ARID4B: variants seen among roughly 807,000 people sequenced by gnomAD.
ARID4B encodes the protein AT-rich interaction domain 4B.
A neutral mutation model predicts 147.5 loss-of-function variants in ARID4B; 26 were observed. That is an observed-to-expected ratio of 0.18 (90% CI 0.13 to 0.24). The LOEUF (loss-of-function observed/expected upper bound fraction) is 0.24, where lower values mean the gene tolerates loss of function less well. Ranked by LOEUF, ARID4B falls within the 10% of genes least tolerant of loss-of-function variation. The probability of loss-of-function intolerance (pLI) is 1.00; values close to 1 mark genes in which losing one functional copy is unlikely to be tolerated. For missense variants in ARID4B, 1,179 were observed against 1,511.5 expected (o/e 0.78, Z 3.65); for synonymous variants, 512 against 507.9 (o/e 1.01, Z -0.11).
At chr1:235,174,949 CA>C (rs924073147) in intron 22 of ARID4B, among the ~76,000 whole-genome samples, 14 of 151,884 alleles carry the variant, frequency 9.2e-5, no homozygotes, top group African/African-American at 3.4e-4. Flanking sequence ...ACTAAACACA[CA>C]AAAAAATTAG....
At chr1:235,267,732 G>A (rs55756931) in intron 2 of ARID4B, among the ~76,000 whole-genome samples, 2 of 151,894 alleles carry the variant, frequency 1.3e-5, no homozygotes, top group South Asian at 2.1e-4. Flanking sequence ...GTGAAACCCC[G>A]TCTCTACTAA....
At chr1:235,321,964 A>G (rs1039838206) in intron 2 of ARID4B, among the ~76,000 whole-genome samples, 1 of 151,020 alleles carries the variant, frequency 6.6e-6, no homozygotes, top group African/African-American at 2.4e-5. Context: ...GCTCACCGCA[A>G]CCTCCAGCTC....
chr1:235,291,378 A>G (rs1672324870), intron 2 of ARID4B, among the ~76,000 whole-genome samples: 1 of 152,152 alleles, frequency 6.6e-6, no homozygotes, highest in African/African-American at 2.4e-5. Flanking sequence ...ACTGCACTCC[A>G]GCCTGGGCAA....
chr1:235,297,582 G>A (rs1479062604), intron 2 of ARID4B, among the ~76,000 whole-genome samples: 1 of 152,074 alleles, frequency 6.6e-6, no homozygotes, highest in Non-Finnish European at 1.5e-5. Flanking sequence ...AAGTTGATAA[G>A]AACTTTATAA....
At chr1:235,308,671 T>G (rs866392657) in intron 2 of ARID4B, among the ~76,000 whole-genome samples, 1 of 152,198 alleles carries the variant, frequency 6.6e-6, no homozygotes, top group Non-Finnish European at 1.5e-5. Flanking sequence ...GAGACGGGGC[T>G]TCGCTGTGTT....
chr1:235,246,412 G>T lies in ARID4B; in HGVS notation c.446+8C>A, dbSNP rs775087970. On this transcript the variant is annotated splice_region_variant and intron_variant, in intron 7 of 23. Coordinates refer to ENST00000264183, the MANE Select transcript of ARID4B (RefSeq NM_016374.6). ...AGGTTCAACTAACAGTCATGAAAAT[G>T]GACTTACATATGATTAGATCTTCTT... is the stretch of plus-strand genomic sequence containing the variant. 1.9e-6 allele frequency: 3 copies of T among 1,569,086 alleles called. No homozygotes were observed. The highest frequency in any genetic ancestry group is 1.8e-6 in the Non-Finnish European group (2 of 1,139,272).
intron 2 of ARID4B, among the ~76,000 whole-genome samples, chr1:235,312,830 G>T (rs1046849572): frequency 1.3e-5 from 2 of 151,980 alleles, no homozygotes; most frequent in Non-Finnish European, 2.9e-5. Context: ...AAAATTAGCC[G>T]AGCATGGTGG....
chr1:235,174,655 C>CA (rs775025004), intron 22 of ARID4B, among the ~76,000 whole-genome samples: 7 of 151,192 alleles, frequency 4.6e-5, no homozygotes, highest in Non-Finnish European at 7.4e-5. Flanking sequence ...ACAACAACAA[C>CA]AAAAAAATTA....
chr1:235,221,515 C>G, intron 14 of ARID4B, 50 bp downstream of exon 14: 1 of 1,078,186 alleles, frequency 9.3e-7, no homozygotes, highest in Non-Finnish European at 1.4e-6. Context: ...TTTCATCCTG[C>G]TTTCTAGGTA....
chr1:235,177,445 T>G lies in ARID4B; in HGVS notation c.3448+355A>C, dbSNP rs1663965828. Among the ~76,000 whole-genome samples, 3 of 152,252 alleles carry G rather than the reference T, an allele frequency of 2.0e-5. No homozygotes were observed. In the South Asian group the frequency reaches 6.2e-4, roughly 32 times the overall value. ...GATTAGAAAACCTGTGTTTTTTTTG[T>G]TTTGTTTTGTTTGTTTTTGCAGAAA... On this transcript the variant is annotated intron_variant, in intron 21 of 23. Coordinates refer to ENST00000264183, the MANE Select transcript of ARID4B (RefSeq NM_016374.6).
chr1:235,310,718 A>T (rs1184015221), intron 2 of ARID4B, among the ~76,000 whole-genome samples: 1 of 152,148 alleles, frequency 6.6e-6, no homozygotes, highest in African/African-American at 2.4e-5. Flanking sequence ...CCTAGGCTGG[A>T]GTACAGTGGC....
At chr1:235,220,231 T>A in intron 15 of ARID4B, 71 bp downstream of exon 15, 1 of 1,365,166 alleles carries the variant, frequency 7.3e-7, no homozygotes, top group Non-Finnish European at 9.9e-7. Context: ...ATATATTGAT[T>A]TTGGAACTTT....
intron 2 of ARID4B, among the ~76,000 whole-genome samples, chr1:235,315,446 C>T (rs1395863180): frequency 6.6e-6 from 1 of 152,182 alleles, no homozygotes; most frequent in African/African-American, 2.4e-5. Flanking sequence ...AATAAATTAT[C>T]TGTCCCACTG....
In ARID4B at chr1:235,236,859, TA is replaced by T. The variant is rs1342859270; in HGVS notation, c.586-2368del. On this transcript the variant is annotated intron_variant, in intron 8 of 23. Transcript: ENST00000264183. ...ATATATATATATATATATATATATA[TA>T]TATTTTTTTTTTTTTTTTTTTTTTT... 4.4e-3 allele frequency among the ~76,000 whole-genome samples: 177 copies of T among 39,784 alleles called. 1 individual carries two copies. The highest frequency in any genetic ancestry group is 6.0e-3 in the Non-Finnish European group (123 of 20,376). 26.1% of individuals were successfully genotyped at this position (39,784 alleles called of 152,430 possible).
intron 2 of ARID4B, among the ~76,000 whole-genome samples, chr1:235,310,275 T>G (rs1368654093): frequency 6.6e-6 from 1 of 152,162 alleles, no homozygotes; most frequent in East Asian, 1.9e-4. Flanking sequence ...ACAAAGTAAG[T>G]AGGCAAAAGG....
At chr1:235,283,007 C>T (rs1241718255) in intron 2 of ARID4B, among the ~76,000 whole-genome samples, 1 of 152,112 alleles carries the variant, frequency 6.6e-6, no homozygotes, top group Non-Finnish European at 1.5e-5. Flanking sequence ...GTCTCGACTC[C>T]TATTGTGATC....
intron 22 of ARID4B, 89 bp downstream of exon 22, chr1:235,175,095 G>T: frequency 8.5e-7 from 1 of 1,178,818 alleles, no homozygotes; most frequent in Non-Finnish European, 1.2e-6. Flanking sequence ...GACAGAGCGA[G>T]ACTCTGTCTC....
intron 17 of ARID4B, among the ~76,000 whole-genome samples, chr1:235,201,839 G>A (rs1665951937): frequency 6.6e-6 from 1 of 151,690 alleles, no homozygotes; most frequent in Admixed American, 6.6e-5. Context: ...AGCCAAGACT[G>A]CACTACTGCA....
chr1:235,168,748 T>C (rs1469948899), intron 23 of ARID4B, 96 bp from the exon 24 acceptor site: 8 of 1,307,178 alleles, frequency 6.1e-6, no homozygotes, highest in African/African-American at 1.5e-5. Context: ...TTCCGCTATA[T>C]TGTCCAAAAT....
Sources: allele counts gnomAD v4.1 joint callset (sites outside exome capture counted in the v4.1 genomes callset), GRCh38; gene constraint gnomAD v4.1.1; transcripts MANE v1.5; gene names NCBI Gene and HGNC (gene_info 2026-07-23, HGNC 2026-07-21).